Variants in RUNX2 observed in about 807,000 individuals in gnomAD.
RUNX2 encodes runt-related transcription factor 2.
In RUNX2, 10 loss-of-function variants were observed where a neutral mutation model predicts 51.7. That is an observed-to-expected ratio of 0.19 (90% confidence interval 0.12 to 0.33). RUNX2 has a LOEUF of 0.33. Ranked by LOEUF, RUNX2 falls within the 10% of genes least tolerant of loss-of-function variation. The probability of loss-of-function intolerance (pLI) is 1.00; values close to 1 mark genes in which losing one functional copy is unlikely to be tolerated. For synonymous variants in RUNX2, 276 were observed against 273.6 expected, an observed-to-expected ratio of 1.01 and a Z score of -0.09; for missense variants, 562 against 691.3, an observed-to-expected ratio of 0.81 and a Z score of 2.10.
chr6:45,362,883 T>C (rs574894726), intron 2 of RUNX2, among the ~76,000 whole-genome samples: 3 of 152,258 alleles, frequency 2.0e-5, no homozygotes, highest in South Asian at 4.1e-4. Context: ...ATGCACTAAA[T>C]AGAAGCTCTC....
intron 7 of RUNX2, among the ~76,000 whole-genome samples, chr6:45,544,914 T>C (rs1802348406): frequency 6.6e-6 from 1 of 152,252 alleles, no homozygotes; most frequent in Non-Finnish European, 1.5e-5. Flanking sequence ...AATTTCGTTT[T>C]TGGGAGGAAT....
intron 2 of RUNX2, among the ~76,000 whole-genome samples, chr6:45,358,748 C>G (rs116715972): frequency 0.01 from 1,598 of 152,202 alleles, 30 homozygotes; most frequent in African/African-American, 0.036. Context: ...TAATACTGTA[C>G]ATAAATCACA....
rs1582234397 is a variant in RUNX2, at chr6:45,548,553, G to A, written c.*1248G>A. On this transcript the variant is annotated 3_prime_UTR_variant, in exon 9 of 9. Coordinates refer to ENST00000647337, the MANE Select transcript of RUNX2 (RefSeq NM_001024630.4). ...AGCCCTTTATCAGCATGAAATGCTG[G>A]AGTGATGTGGTTTTCTAATTTCTTT... 1 of 152,634 alleles carries A rather than the reference G, an allele frequency of 6.6e-6. No individual in the cohort carries two copies. The highest frequency in any genetic ancestry group is 1.5e-5 in the Non-Finnish European group (1 of 68,048). The allele number at this position is 152,634 out of a possible 1,614,324, so 9.5% of individuals were successfully genotyped here.
intron 2 of RUNX2, among the ~76,000 whole-genome samples, chr6:45,391,147 T>C (rs1797460514): frequency 6.6e-6 from 1 of 152,178 alleles, no homozygotes; most frequent in African/African-American, 2.4e-5. Context: ...GGTTTGGATG[T>C]TTATCCACAC....
intron 2 of RUNX2, among the ~76,000 whole-genome samples, chr6:45,392,562 G>C (rs928713230): frequency 6.6e-6 from 1 of 152,070 alleles, no homozygotes; most frequent in African/African-American, 2.4e-5. Context: ...AACTAATTAG[G>C]CTGTATAATC....
chr6:45,484,992 C>T (rs1800225804), intron 5 of RUNX2, among the ~76,000 whole-genome samples: 1 of 152,152 alleles, frequency 6.6e-6, no homozygotes, highest in Admixed American at 6.5e-5. Context: ...GAAACTGTTA[C>T]ATCCTGTGGC....
chr6:45,472,452 G>A (rs1456098917), intron 5 of RUNX2, among the ~76,000 whole-genome samples: 1 of 152,150 alleles, frequency 6.6e-6, no homozygotes, highest in East Asian at 1.9e-4. Flanking sequence ...TCCCTCCTAG[G>A]CTTTCGATAT....
intron 7 of RUNX2, among the ~76,000 whole-genome samples, chr6:45,534,671 C>T (rs1801976418): frequency 6.6e-6 from 1 of 152,164 alleles, no homozygotes; most frequent in Admixed American, 6.5e-5. Flanking sequence ...CTCAGGTAAA[C>T]ACAGGTAGAG....
intron 8 of RUNX2, 118 bp from the exon 9 acceptor site, chr6:45,546,709 C>T (rs78568421): frequency 1.2e-6 from 1 of 868,706 alleles, no homozygotes; most frequent in Non-Finnish European, 1.9e-6. Flanking sequence ...CTGTCTGTGG[C>T]TTGCTGTTCC....
In RUNX2 at chr6:45,338,330, A is replaced by G. The variant is rs761088390; in HGVS notation, c.58+9546A>G. On this transcript the variant is annotated intron_variant, in intron 2 of 8. Coordinates refer to ENST00000647337, the MANE Select transcript of RUNX2 (RefSeq NM_001024630.4). Reference sequence around the variant, plus strand: ...AGGCAAACAACTTTTGAGCATTTCCAGATGTAGCTCTCATAAAAAAAAAAA... The same window carrying G: ...AGGCAAACAACTTTTGAGCATTTCCGGATGTAGCTCTCATAAAAAAAAAAA... Among the ~76,000 whole-genome samples, 5 of 147,198 alleles carry G rather than the reference A, an allele frequency of 3.4e-5. No individual in the cohort carries two copies. In the Admixed American group the frequency reaches 3.5e-4, roughly 10 times the overall value.
At chr6:45,365,083 A>C (rs1164504693) in intron 2 of RUNX2, 5 of 684,702 alleles carry the variant, frequency 7.3e-6, no homozygotes, top group Non-Finnish European at 1.1e-5. Flanking sequence ...TTTCATTTTT[A>C]CTTGATTAAT....
At chr6:45,339,912 A>G (rs985854875) in intron 2 of RUNX2, among the ~76,000 whole-genome samples, 1 of 152,166 alleles carries the variant, frequency 6.6e-6, no homozygotes, top group Non-Finnish European at 1.5e-5. Flanking sequence ...TAAGCCATTT[A>G]TAAACATTAT....
intron 6 of RUNX2, among the ~76,000 whole-genome samples, chr6:45,505,239 T>C: frequency 6.6e-6 from 1 of 152,190 alleles, no homozygotes; most frequent in South Asian, 2.1e-4. Flanking sequence ...CTGCCTTGTT[T>C]CCAGCATACC....
intron 5 of RUNX2, among the ~76,000 whole-genome samples, chr6:45,466,256 T>C (rs1035224139): frequency 4.0e-5 from 6 of 151,294 alleles, no homozygotes; most frequent in African/African-American, 9.7e-5. Flanking sequence ...GAGGTTGCAG[T>C]GAGCCGAGAT....
chr6:45,393,927 CT>C (rs758226180), intron 2 of RUNX2, among the ~76,000 whole-genome samples: 229 of 139,682 alleles, frequency 1.6e-3, no homozygotes, highest in Admixed American at 1.7e-3. Flanking sequence ...GTGCCACTTT[CT>C]TTTTTTTTTT....
intron 5 of RUNX2, among the ~76,000 whole-genome samples, chr6:45,445,122 T>A (rs1798954684): frequency 6.6e-6 from 1 of 152,130 alleles, no homozygotes; most frequent in Non-Finnish European, 1.5e-5. Context: ...CCTCCTGGGT[T>A]CAAGCGATTC....
At chr6:45,494,082 T>TG (rs112227245) in intron 6 of RUNX2, among the ~76,000 whole-genome samples, 1,775 of 152,318 alleles carry the variant, frequency 0.012, 39 homozygotes, top group African/African-American at 0.04. Context: ...TAAAGGTACC[T>TG]TAGATATTGT....
intron 2 of RUNX2, among the ~76,000 whole-genome samples, chr6:45,354,652 C>G (rs942745159): frequency 2.0e-5 from 3 of 149,900 alleles, no homozygotes; most frequent in Admixed American, 6.7e-5. Context: ...CACACACACA[C>G]AGTCTCCTAT....
intron 2 of RUNX2, among the ~76,000 whole-genome samples, chr6:45,397,164 C>A (rs926802457): frequency 6.6e-6 from 1 of 150,836 alleles, no homozygotes; most frequent in Non-Finnish European, 1.5e-5. Context: ...AGTGCAGTGG[C>A]GCGATCGCAG....
Sources: allele counts gnomAD v4.1 joint callset (sites outside exome capture counted in the v4.1 genomes callset), GRCh38; gene constraint gnomAD v4.1.1; transcripts MANE v1.5; gene names NCBI Gene and HGNC (gene_info 2026-07-23, HGNC 2026-07-21).